PPARD: variants seen among roughly 807,000 people sequenced by gnomAD.
PPARD encodes the protein peroxisome proliferator activated receptor delta.
A neutral mutation model predicts 39.5 loss-of-function variants in PPARD; 6 were observed. That is an observed-to-expected ratio of 0.15 (90% CI 0.08 to 0.30). PPARD has a LOEUF of 0.30. PPARD is among the 10% of genes least tolerant of loss of function. The pLI, the probability that PPARD is intolerant of heterozygous loss-of-function variation, is 1.00. For missense variants in PPARD, 397 were observed against 596.8 expected (o/e 0.67, Z 3.49); for synonymous variants, 210 against 231.3 (o/e 0.91, Z 0.83).
intron 2 of PPARD, among the ~76,000 whole-genome samples, chr6:35,391,272 A>C (rs1763985732): frequency 6.6e-6 from 1 of 152,272 alleles, no homozygotes; most frequent in Non-Finnish European, 1.5e-5. Flanking sequence ...TTAAAGGTTA[A>C]AACTAGAGAA....
intron 2 of PPARD, among the ~76,000 whole-genome samples, chr6:35,360,536 G>C (rs1761873661): frequency 6.6e-6 from 1 of 152,214 alleles, no homozygotes; most frequent in South Asian, 2.1e-4. Flanking sequence ...ATTGGAATTT[G>C]AGCCCTGTTC....
intron 2 of PPARD, among the ~76,000 whole-genome samples, chr6:35,371,350 G>T (rs1762471350): frequency 6.6e-6 from 1 of 151,902 alleles, no homozygotes. Context: ...TCAGGCTTCT[G>T]CCCTCTCTCC....
intron 1 of PPARD, among the ~76,000 whole-genome samples, chr6:35,344,421 C>T (rs946215659): frequency 4.6e-5 from 7 of 151,994 alleles, no homozygotes; most frequent in Admixed American, 1.3e-4. Context: ...ATCATCTTCT[C>T]TGGGGCTTGA....
intron 3 of PPARD, among the ~76,000 whole-genome samples, chr6:35,415,939 A>G (rs1400797321): frequency 6.6e-6 from 1 of 152,238 alleles, no homozygotes; most frequent in East Asian, 1.9e-4. Flanking sequence ...GCCTGGAGGC[A>G]GAATTTCCTG....
intron 2 of PPARD, among the ~76,000 whole-genome samples, chr6:35,354,428 G>A (rs1379451713): frequency 6.6e-6 from 1 of 150,826 alleles, no homozygotes; most frequent in Non-Finnish European, 1.5e-5. Flanking sequence ...AGCCTCCTGA[G>A]TAGCTGGGAT....
At chr6:35,422,103 C>A in intron 5 of PPARD, 145 bp downstream of exon 5, 1 of 1,032,272 alleles carries the variant, frequency 9.7e-7, no homozygotes, top group Non-Finnish European at 1.3e-6. Flanking sequence ...TGGCTGTTGG[C>A]TTTGCTGATC....
At chr6:35,393,333 C>T (rs1432198452) in intron 2 of PPARD, among the ~76,000 whole-genome samples, 1 of 152,208 alleles carries the variant, frequency 6.6e-6, no homozygotes, top group Non-Finnish European at 1.5e-5. Context: ...GCTCAGTGAA[C>T]AGTGGCAGTG....
At chr6:35,360,863 G>A (rs1761890113) in intron 2 of PPARD, among the ~76,000 whole-genome samples, 1 of 152,190 alleles carries the variant, frequency 6.6e-6, no homozygotes, top group African/African-American at 2.4e-5. Context: ...CAGGGATGGC[G>A]CTAGAAATCA....
intron 3 of PPARD, among the ~76,000 whole-genome samples, chr6:35,411,457 T>C (rs1246926065): frequency 1.3e-5 from 2 of 152,172 alleles, no homozygotes; most frequent in African/African-American, 4.8e-5. Flanking sequence ...GGATGGTAGG[T>C]GATGTGGATA....
At chr6:35,419,398 A>T (rs1049642129) in intron 3 of PPARD, among the ~76,000 whole-genome samples, 1 of 152,196 alleles carries the variant, frequency 6.6e-6, no homozygotes, top group Non-Finnish European at 1.5e-5. Context: ...ATATATCCTG[A>T]AGTCATAGCC....
chr6:35,415,126 C>T (rs374517488), intron 3 of PPARD, among the ~76,000 whole-genome samples: 2 of 152,232 alleles, frequency 1.3e-5, no homozygotes, highest in South Asian at 4.1e-4. Context: ...CTCAGCACCT[C>T]CTCACTTGGC....
chr6:35,361,273 A>T (rs1426073336), intron 2 of PPARD, among the ~76,000 whole-genome samples: 1 of 152,160 alleles, frequency 6.6e-6, no homozygotes, highest in Non-Finnish European at 1.5e-5. Flanking sequence ...TCACTGAATG[A>T]TGATTGTTTC....
At chr6:35,356,719 C>G (rs764303060) in intron 2 of PPARD, among the ~76,000 whole-genome samples, 1 of 152,190 alleles carries the variant, frequency 6.6e-6, no homozygotes, top group Admixed American at 6.5e-5. Flanking sequence ...CAAATGTCTG[C>G]GGACATTGCC....
At chr6:35,383,269 G>A (rs1763251763) in intron 2 of PPARD, among the ~76,000 whole-genome samples, 1 of 152,206 alleles carries the variant, frequency 6.6e-6, no homozygotes, top group African/African-American at 2.4e-5. Flanking sequence ...TGGGGTGGCA[G>A]GAGGGGAAAG....
At chr6:35,419,242 G>A (rs771339251) in intron 3 of PPARD, among the ~76,000 whole-genome samples, 59 of 152,100 alleles carry the variant, frequency 3.9e-4, no homozygotes, top group Admixed American at 8.5e-4. Flanking sequence ...CTGGTATGTG[G>A]GGCCATGAAA....
intron 3 of PPARD, among the ~76,000 whole-genome samples, chr6:35,411,551 G>A (rs1242788714): frequency 1.3e-5 from 2 of 152,158 alleles, no homozygotes; most frequent in East Asian, 3.8e-4. Context: ...GTTAACACAA[G>A]GCATCTGAGA....
At chr6:35,351,174 C>T (rs1050908936) in intron 2 of PPARD, among the ~76,000 whole-genome samples, 2 of 151,494 alleles carry the variant, frequency 1.3e-5, no homozygotes, top group Non-Finnish European at 2.9e-5. Context: ...TACAGGTGCC[C>T]GCCACCACGC....
intron 2 of PPARD, among the ~76,000 whole-genome samples, chr6:35,365,469 C>A (rs1198807824): frequency 6.8e-6 from 1 of 147,588 alleles, no homozygotes; most frequent in African/African-American, 2.6e-5. Flanking sequence ...ACAGTTGGCT[C>A]ATCCATTGTA....
intron 5 of PPARD, among the ~76,000 whole-genome samples, chr6:35,423,698 G>A (rs1766366077): frequency 6.6e-6 from 1 of 152,008 alleles, no homozygotes; most frequent in African/African-American, 2.4e-5. Context: ...CTTGTGTGCT[G>A]GGCACTGTGA....
Sources: gnomAD v4.1 joint callset for allele counts (sites outside exome capture counted in the v4.1 genomes callset) on GRCh38, gnomAD v4.1.1 for gene constraint, MANE v1.5 for transcripts, NCBI Gene and HGNC (gene_info 2026-07-23, HGNC 2026-07-21) for gene names.